Variants in MYRIP observed in about 807,000 individuals in gnomAD.
MYRIP encodes the protein rab effector MyRIP.
MYRIP carries 49 observed loss-of-function variants against 98.0 expected under a neutral mutation model. That is an observed-to-expected ratio of 0.50 (90% CI 0.40 to 0.63). The LOEUF is 0.63. Ranked by LOEUF, MYRIP falls within the 30% of genes least tolerant of loss-of-function variation. MYRIP has a pLI of 0.00. For synonymous variants in MYRIP, 404 were observed against 409.5 expected (o/e 0.99, Z 0.16); for missense variants, 1,004 against 1,058.2 (o/e 0.95, Z 0.71).
intron 13 of MYRIP, among the ~76,000 whole-genome samples, chr3:40,247,879 C>T (rs1247557937): frequency 6.6e-6 from 1 of 152,242 alleles, no homozygotes; most frequent in African/African-American, 2.4e-5. Context: ...GTTGGTCCTG[C>T]CCTCAGGCAT....
chr3:40,213,617 C>CACAGAT, intron 11 of MYRIP, among the ~76,000 whole-genome samples: 1 of 149,380 alleles, frequency 6.7e-6, no homozygotes, highest in East Asian at 1.9e-4. Flanking sequence ...GCAACACACA[C>CACAGAT]ACACACACAC....
intron 5 of MYRIP, among the ~76,000 whole-genome samples, chr3:40,166,373 T>C (rs978994659): frequency 2.6e-5 from 4 of 152,212 alleles, no homozygotes; most frequent in African/African-American, 9.7e-5. Flanking sequence ...TGCTTCATGT[T>C]AGGATACAAC....
intron 2 of MYRIP, among the ~76,000 whole-genome samples, chr3:39,996,552 A>G (rs963588950): frequency 3.3e-5 from 5 of 152,200 alleles, no homozygotes; most frequent in Admixed American, 3.3e-4. Context: ...AGAGACCTAC[A>G]AAGAGACTTA....
intron 1 of MYRIP, among the ~76,000 whole-genome samples, chr3:39,894,559 C>T (rs1943562527): frequency 6.6e-6 from 1 of 152,124 alleles, no homozygotes; most frequent in Admixed American, 6.6e-5. Flanking sequence ...AATAGTGTTG[C>T]TGTATACTTT....
chr3:40,148,086 T>G (rs1026749236), intron 3 of MYRIP, among the ~76,000 whole-genome samples: 2 of 152,224 alleles, frequency 1.3e-5, no homozygotes, highest in African/African-American at 2.4e-5. Flanking sequence ...CCATTTATTC[T>G]TAGAAAATCT....
At chr3:39,923,547 A>T (rs1427934295) in intron 2 of MYRIP, among the ~76,000 whole-genome samples, 1 of 152,130 alleles carries the variant, frequency 6.6e-6, no homozygotes, top group Non-Finnish European at 1.5e-5. Flanking sequence ...GTCAACTCAG[A>T]ATCCTATATT....
At chr3:40,097,250 A>G (rs1948850833) in intron 3 of MYRIP, among the ~76,000 whole-genome samples, 3 of 152,256 alleles carry the variant, frequency 2.0e-5, no homozygotes. Context: ...TTACAAAGGC[A>G]GAAACTAAAG....
intron 1 of MYRIP, among the ~76,000 whole-genome samples, chr3:39,852,552 CCT>C (rs1942162591): frequency 6.6e-6 from 1 of 152,154 alleles, no homozygotes; most frequent in African/African-American, 2.4e-5. Context: ...CCCCCTTCCC[CCT>C]GAGTCCCCAA....
rs371696846 is a variant in MYRIP at position 39,875,552 on chromosome 3, G to A, written c.-30-25235G>A. 2.6e-4 allele frequency among the ~76,000 whole-genome samples: 40 copies of A among 151,712 alleles called. 1 individual carries two copies. In the South Asian group the frequency reaches 6.3e-3, roughly 24 times the overall value. ...TCTGGTATGTTGTGTCTTTGTTCTCGTTGGTTTCAAAGAACATCTTTATTT... is the reference window on the plus strand; with the variant it reads ...TCTGGTATGTTGTGTCTTTGTTCTCATTGGTTTCAAAGAACATCTTTATTT... On this transcript the variant is annotated intron_variant, in intron 1 of 16. Coordinates refer to ENST00000302541, the MANE Select transcript of MYRIP (RefSeq NM_015460.4).
chr3:39,957,965 C>T (rs1306533419), intron 2 of MYRIP, among the ~76,000 whole-genome samples: 2 of 152,132 alleles, frequency 1.3e-5, no homozygotes, highest in Non-Finnish European at 2.9e-5. Context: ...AGGAATCTAA[C>T]TTACAAGGGA....
intron 2 of MYRIP, among the ~76,000 whole-genome samples, chr3:39,988,890 G>A (rs906843198): frequency 5.3e-5 from 8 of 151,646 alleles, no homozygotes; most frequent in African/African-American, 1.9e-4. Context: ...GTCTAAACTG[G>A]TTATTCTATT....
intron 4 of MYRIP, among the ~76,000 whole-genome samples, chr3:40,152,327 C>T (rs985604701): frequency 1.3e-5 from 2 of 152,216 alleles, no homozygotes; most frequent in Non-Finnish European, 2.9e-5. Context: ...CTCTCTTGTA[C>T]ATCCTCGGGT....
intron 3 of MYRIP, among the ~76,000 whole-genome samples, chr3:40,108,902 A>C (rs1575544122): frequency 6.6e-6 from 1 of 152,078 alleles, no homozygotes; most frequent in Admixed American, 6.5e-5. Flanking sequence ...CAGAGCCCAC[A>C]CCCCACCACT....
intron 3 of MYRIP, among the ~76,000 whole-genome samples, chr3:40,149,678 A>G (rs1159399492): frequency 2.0e-5 from 3 of 152,150 alleles, no homozygotes; most frequent in African/African-American, 7.2e-5. Flanking sequence ...TCATAATCCA[A>G]ACCTGCTCTC....
intron 3 of MYRIP, among the ~76,000 whole-genome samples, chr3:40,067,120 C>T (rs2887964): frequency 0.15 from 23,468 of 152,186 alleles, 1,751 homozygotes; most frequent in East Asian, 0.2. Context: ...CATAAATAAG[C>T]ATTTGCTATT....
Position 40,204,023 on chromosome 3 carries a change from T to A in MYRIP, c.1666-5831T>A, listed in dbSNP as rs868277555. Among the ~76,000 whole-genome samples, 8 of 6,542 alleles carry A rather than the reference T, an allele frequency of 1.2e-3. 2 individuals are homozygous for A. The highest frequency in any genetic ancestry group is 1.6e-3 in the African/African-American group (4 of 2,530). The allele number at this position is 6,542 out of a possible 152,430, so 4.3% of individuals were successfully genotyped here. ...TATTATATATTATATATAATATATA[T>A]TATATATATTATATATTATATATAA... On this transcript the variant is annotated intron_variant, in intron 10 of 16. Transcript: ENST00000302541.
In MYRIP at chr3:40,251,865, ATTTATTTCCT is replaced by A; in HGVS notation, c.2429-11_2429-2del. Reference sequence around the variant, plus strand: ...CATCTTCTGGGTAACATTTTTTCCCATTTATTTCCTTTTAGCTGAAAAAATTGAGACATCT... The same window carrying A: ...CATCTTCTGGGTAACATTTTTTCCCATTTAGCTGAAAAAATTGAGACATCT... On this transcript the variant is annotated splice_polypyrimidine_tract_variant and splice_region_variant and intron_variant, in intron 15 of 16. Coordinates refer to ENST00000302541, the MANE Select transcript of MYRIP (RefSeq NM_015460.4). The A allele has an allele frequency of 6.4e-7, 1 of 1,553,204 alleles. No homozygotes were observed. The highest frequency in any genetic ancestry group is 8.9e-7 in the Non-Finnish European group (1 of 1,125,206).
intron 2 of MYRIP, among the ~76,000 whole-genome samples, chr3:39,981,071 T>C (rs1310051461): frequency 6.6e-6 from 1 of 152,222 alleles, no homozygotes; most frequent in South Asian, 2.1e-4. Flanking sequence ...TTACCACGAT[T>C]AAAATAACAT....
intron 3 of MYRIP, among the ~76,000 whole-genome samples, chr3:40,136,214 A>G (rs1949762454): frequency 6.6e-6 from 1 of 152,360 alleles, no homozygotes; most frequent in East Asian, 1.9e-4. Context: ...GGAAAACAAA[A>G]AAAGGCAGGG....
Sources: allele counts gnomAD v4.1 joint callset (sites outside exome capture counted in the v4.1 genomes callset), GRCh38; gene constraint gnomAD v4.1.1; transcripts MANE v1.5; gene names NCBI Gene and HGNC (gene_info 2026-07-23, HGNC 2026-07-21).